The following ZBBX variants were observed in gnomAD, a reference collection of about 807,000 sequenced individuals.
ZBBX encodes zinc finger B-box domain containing.
A neutral mutation model predicts 108.5 loss-of-function variants in ZBBX; 101 were observed. The observed-to-expected ratio is 0.93, with a 90% confidence interval of 0.79 to 1.10. The LOEUF (loss-of-function observed/expected upper bound fraction) is 1.10. Among genes scored for constraint, ZBBX ranks in the 50% least tolerant of loss-of-function variants. ZBBX has a pLI of 0.00. For missense variants in ZBBX, 1,009 were observed against 941.4 expected (o/e 1.07, Z -0.94); for synonymous variants, 356 against 323.4 (o/e 1.10, Z -1.08).
At chr3:167,190,325 A>C in the ZBBX span, among the ~76,000 whole-genome samples, 1 of 152,002 alleles carries the variant, frequency 6.6e-6, no homozygotes, top group East Asian at 1.9e-4. Context: ...AATTGTTAAG[A>C]TGAAATAATA....
At chr3:167,339,112 G>A (rs1400309502) in intron 9 of ZBBX, among the ~76,000 whole-genome samples, 1 of 152,068 alleles carries the variant, frequency 6.6e-6, no homozygotes, top group Non-Finnish European at 1.5e-5. Context: ...TAACTCCAGA[G>A]TGTTATTGAT....
At position 167,365,821 on chromosome 3, in the gene ZBBX, A is replaced by G; in HGVS notation, c.273+65T>C. 4.3e-6 allele frequency: 5 copies of G among 1,169,310 alleles called. No individual in the cohort carries two copies. The South Asian group carries it at 7.8e-5, about 18-fold the overall frequency. 72.4% of individuals were successfully genotyped at this position (1,169,310 alleles called of 1,614,324 possible). Reference sequence around the variant, plus strand: ...TATTCCTGAGTATAGAAGAAAATGCAAGACCTAAAAAAGAATATCTTCTTG... The same window carrying G: ...TATTCCTGAGTATAGAAGAAAATGCGAGACCTAAAAAAGAATATCTTCTTG... On this transcript the variant is annotated intron_variant, in intron 6 of 21. Transcript: ENST00000675490.
intron 1 of ZBBX, among the ~76,000 whole-genome samples, chr3:167,406,745 C>G (rs1748599951): frequency 6.6e-6 from 1 of 152,168 alleles, no homozygotes; most frequent in Non-Finnish European, 1.5e-5. Flanking sequence ...CCTTTCAGTT[C>G]TCTACCATGA....
chr3:167,320,743 G>A (rs1233881168), intron 12 of ZBBX, among the ~76,000 whole-genome samples: 2 of 151,980 alleles, frequency 1.3e-5, no homozygotes, highest in Non-Finnish European at 2.9e-5. Context: ...ATCCCAGAAT[G>A]TCACGCACTG....
At chr3:167,180,290 G>T in the ZBBX span, among the ~76,000 whole-genome samples, 80 of 152,306 alleles carry the variant, frequency 5.3e-4, no homozygotes, top group Admixed American at 8.5e-4. Context: ...ATAGAAAACA[G>T]ACTACTCATG....
At chr3:167,366,427 C>T (rs900836449) in intron 5 of ZBBX, among the ~76,000 whole-genome samples, 2 of 151,720 alleles carry the variant, frequency 1.3e-5, no homozygotes, top group South Asian at 2.1e-4. Context: ...CACATTGAAA[C>T]ATAACAGAGA....
chr3:167,201,036 C>T, the ZBBX span, among the ~76,000 whole-genome samples: 1 of 152,136 alleles, frequency 6.6e-6, no homozygotes, highest in Non-Finnish European at 1.5e-5. Flanking sequence ...TCACCTAATT[C>T]AGTTGTTCTC....
chr3:167,284,031 A>G (rs1302054685), intron 19 of ZBBX, among the ~76,000 whole-genome samples: 2 of 152,196 alleles, frequency 1.3e-5, no homozygotes, highest in Non-Finnish European at 2.9e-5. Context: ...CTCAAAGGGT[A>G]CCAACTTTAG....
At chr3:167,266,755 T>C (rs1446746494) in intron 20 of ZBBX, among the ~76,000 whole-genome samples, 3 of 152,232 alleles carry the variant, frequency 2.0e-5, no homozygotes, top group Non-Finnish European at 4.4e-5. Flanking sequence ...CTGAGGAAAC[T>C]AAATTTATAT....
the ZBBX span, among the ~76,000 whole-genome samples, chr3:167,197,893 C>T: frequency 6.6e-6 from 1 of 152,080 alleles, no homozygotes; most frequent in Non-Finnish European, 1.5e-5. Flanking sequence ...GATATTTGAT[C>T]CAACAAGTTA....
intron 16 of ZBBX, among the ~76,000 whole-genome samples, 153 bp downstream of exon 16, chr3:167,313,821 T>C (rs1452778141): frequency 7.2e-5 from 11 of 152,264 alleles, no homozygotes; most frequent in African/African-American, 2.2e-4. Flanking sequence ...AAATTGCATA[T>C]TTACTAGAAA....
chr3:167,246,596 A>G (rs1721609255), intron 20 of ZBBX, among the ~76,000 whole-genome samples: 1 of 152,244 alleles, frequency 6.6e-6, no homozygotes, highest in South Asian at 2.1e-4. Flanking sequence ...GTGGGAACTT[A>G]AAGACCATGA....
chr3:167,273,643 G>A (rs1261119870), intron 20 of ZBBX, among the ~76,000 whole-genome samples: 1 of 152,062 alleles, frequency 6.6e-6, no homozygotes, highest in East Asian at 2.0e-4. Context: ...CAGATGTATG[G>A]TGGTGTTATG....
intron 18 of ZBBX, among the ~76,000 whole-genome samples, chr3:167,298,046 C>G (rs1731978828): frequency 6.6e-6 from 1 of 151,994 alleles, no homozygotes; most frequent in Admixed American, 6.6e-5. Flanking sequence ...ATTATGTAGC[C>G]TTGGTTATTC....
intron 20 of ZBBX, among the ~76,000 whole-genome samples, chr3:167,271,389 C>T (rs904715177): frequency 6.6e-6 from 1 of 152,200 alleles, no homozygotes; most frequent in South Asian, 2.1e-4. Context: ...GCTGCCGTTT[C>T]ATCTGGAACA....
intron 9 of ZBBX, among the ~76,000 whole-genome samples, chr3:167,347,262 T>C (rs1221484151): frequency 6.6e-6 from 1 of 152,024 alleles, no homozygotes; most frequent in Non-Finnish European, 1.5e-5. Flanking sequence ...TGTTTTGGTA[T>C]GCATGTACAT....
chr3:167,204,100 T>A, the ZBBX span, among the ~76,000 whole-genome samples: 1 of 152,122 alleles, frequency 6.6e-6, no homozygotes, highest in Non-Finnish European at 1.5e-5. Context: ...CTATTGAATA[T>A]CACATGGAAA....
chr3:167,254,165 A>G (rs920858709), intron 20 of ZBBX, among the ~76,000 whole-genome samples: 1 of 152,188 alleles, frequency 6.6e-6, no homozygotes, highest in African/African-American at 2.4e-5. Context: ...AAGAGAAAGC[A>G]GTTTTTCTGG....
At chr3:167,216,024 C>T in the ZBBX span, among the ~76,000 whole-genome samples, 1 of 152,084 alleles carries the variant, frequency 6.6e-6, no homozygotes, top group Non-Finnish European at 1.5e-5. Flanking sequence ...CAACATTATA[C>T]TGAGTGGGGA....
Sources: allele counts gnomAD v4.1 joint callset (sites outside exome capture counted in the v4.1 genomes callset), GRCh38; gene constraint gnomAD v4.1.1; transcripts MANE v1.5; gene names NCBI Gene and HGNC (gene_info 2026-07-23, HGNC 2026-07-21).